DCDC2: variants seen among roughly 807,000 people sequenced by gnomAD.
The protein encoded by DCDC2 is doublecortin domain-containing protein 2.
A neutral mutation model predicts 50.2 loss-of-function variants in DCDC2; 40 were observed. The observed-to-expected ratio is 0.80, with a 90% CI of 0.62 to 1.04. DCDC2 has a LOEUF of 1.04. Ranked by LOEUF, DCDC2 falls within the 50% of genes least tolerant of loss-of-function variation. DCDC2 has a pLI of 0.00. For synonymous variants in DCDC2, 234 were observed against 210.6 expected (o/e 1.11, Z -0.96); for missense variants, 570 against 581.9 (o/e 0.98, Z 0.21).
chr6:24,272,836 C>G (rs924195881), intron 7 of DCDC2, among the ~76,000 whole-genome samples: 1 of 152,162 alleles, frequency 6.6e-6, no homozygotes, highest in African/African-American at 2.4e-5. Context: ...ATAGAATTTT[C>G]ATTCTATCCA....
chr6:24,318,393 T>C (rs1212388630), intron 2 of DCDC2, among the ~76,000 whole-genome samples: 9 of 151,994 alleles, frequency 5.9e-5, no homozygotes, highest in Non-Finnish European at 1.3e-4. Flanking sequence ...GTTGTTGTTG[T>C]TAGTTTTTTT....
chr6:24,351,975 G>A (rs1352180402), intron 2 of DCDC2, among the ~76,000 whole-genome samples: 2 of 152,024 alleles, frequency 1.3e-5, no homozygotes, highest in Non-Finnish European at 2.9e-5. Flanking sequence ...GTGGTGGCAC[G>A]TGCCTGTAAT....
intron 7 of DCDC2, among the ~76,000 whole-genome samples, chr6:24,226,913 CTG>C (rs985267096): frequency 6.6e-6 from 1 of 152,122 alleles, no homozygotes; most frequent in African/African-American, 2.4e-5. Flanking sequence ...TTTGAAAATC[CTG>C]TGACATCAGT....
At chr6:24,303,854 C>A (rs2113839758) in intron 2 of DCDC2, among the ~76,000 whole-genome samples, 1 of 152,266 alleles carries the variant, frequency 6.6e-6, no homozygotes, top group East Asian at 1.9e-4. Flanking sequence ...TTTTAGTGAA[C>A]CTATGTCTAT....
chr6:24,214,958 C>G (rs1356443585), intron 7 of DCDC2, among the ~76,000 whole-genome samples: 3 of 152,198 alleles, frequency 2.0e-5, no homozygotes, highest in Non-Finnish European at 2.9e-5. Flanking sequence ...CATGCTCCCA[C>G]ATGTGCTAGA....
intron 2 of DCDC2, among the ~76,000 whole-genome samples, chr6:24,349,829 T>C (rs1336000231): frequency 1.3e-5 from 2 of 152,000 alleles, no homozygotes; most frequent in South Asian, 2.1e-4. Context: ...ATCCAGGAGA[T>C]CTGTTTATTT....
chr6:24,331,520 T>A (rs566904262), intron 2 of DCDC2, among the ~76,000 whole-genome samples: 2 of 152,252 alleles, frequency 1.3e-5, no homozygotes, highest in South Asian at 4.1e-4. Flanking sequence ...TTATTTGATA[T>A]GCGATACTAA....
At position 24,230,028 on chromosome 6, in the gene DCDC2, C is replaced by CTGG. The variant is rs1168279167; in HGVS notation, c.923-24927_923-24926insCCA. ...AGAAATCCTCTTCCAACCTCTAAGT[C>CTGG]CCAAAAGTAAACAGCTCTTGCCAGA... On this transcript the variant is annotated intron_variant, in intron 7 of 9. Transcript: ENST00000378454. Among the ~76,000 whole-genome samples the CTGG allele has an allele frequency of 5.7e-3, 870 of 152,280 alleles. 12 individuals carry two copies. Among genetic ancestry groups the CTGG allele is most frequent in the African/African-American group, 0.02 (824 of 41,554 alleles).
chr6:24,229,532 C>T (rs1210798782), intron 7 of DCDC2, among the ~76,000 whole-genome samples: 1 of 152,064 alleles, frequency 6.6e-6, no homozygotes, highest in African/African-American at 2.4e-5. Flanking sequence ...TCTTTGGGGG[C>T]CGTTATTTTG....
intron 7 of DCDC2, among the ~76,000 whole-genome samples, chr6:24,209,613 T>C (rs1359274924): frequency 2.6e-5 from 4 of 152,196 alleles, no homozygotes; most frequent in African/African-American, 9.7e-5. Flanking sequence ...ATTCAGGAGT[T>C]CTGAGTCCCC....
At chr6:24,294,394 T>C (rs1358361371) in intron 4 of DCDC2, among the ~76,000 whole-genome samples, 2 of 151,610 alleles carry the variant, frequency 1.3e-5, no homozygotes, top group South Asian at 2.1e-4. Context: ...AACAACCTAA[T>C]AACACAACTA....
At chr6:24,281,885 A>G (rs1763480873) in intron 6 of DCDC2, among the ~76,000 whole-genome samples, 1 of 152,204 alleles carries the variant, frequency 6.6e-6, no homozygotes, top group South Asian at 2.1e-4. Context: ...AAGTATTATT[A>G]TCACCATTTT....
At chr6:24,305,566 G>A (rs1049777597) in intron 2 of DCDC2, among the ~76,000 whole-genome samples, 1 of 152,146 alleles carries the variant, frequency 6.6e-6, no homozygotes, top group Non-Finnish European at 1.5e-5. Context: ...AATCAACTGG[G>A]TATAAGAGGA....
intron 5 of DCDC2, 94 bp downstream of exon 5, chr6:24,290,838 T>C: frequency 4.6e-6 from 5 of 1,083,804 alleles, no homozygotes; most frequent in Non-Finnish European, 6.5e-6. Context: ...AATAAGATTA[T>C]CAATTACATA....
chr6:24,332,843 T>C (rs1759990195), intron 2 of DCDC2, among the ~76,000 whole-genome samples: 1 of 152,182 alleles, frequency 6.6e-6, no homozygotes, highest in Non-Finnish European at 1.5e-5. Context: ...CTGTGTTTGA[T>C]GCTGGGCTGG....
At chr6:24,374,496 C>T in the DCDC2 span, among the ~76,000 whole-genome samples, 1 of 137,578 alleles carries the variant, frequency 7.3e-6, no homozygotes, top group Non-Finnish European at 1.5e-5. Context: ...ATGAGAATTG[C>T]TTGAACCTGG....
rs527467406 is a variant in DCDC2 at position 24,229,766 on chromosome 6, T to A, written c.923-24664A>T. Among the ~76,000 whole-genome samples, 223 of 152,284 alleles carry A rather than the reference T, an allele frequency of 1.5e-3. 1 individual carries two copies. The highest frequency in any genetic ancestry group is 2.3e-3 in the Non-Finnish European group (159 of 68,032). On this transcript the variant is annotated intron_variant, in intron 7 of 9. Coordinates refer to ENST00000378454, the MANE Select transcript of DCDC2 (RefSeq NM_016356.5). Reference sequence around the variant, plus strand: ...GAGATACACTGTAAATGTTTATGCTTACATTATTTTATACTCACTTCCTTC... The same window carrying A: ...GAGATACACTGTAAATGTTTATGCTAACATTATTTTATACTCACTTCCTTC...
rs538011546 is a variant in DCDC2 at position 24,339,296 on chromosome 6, G to C, written c.348+14273C>G. On this transcript the variant is annotated intron_variant, in intron 2 of 9. Transcript: ENST00000378454. ...AGCCATCCTTCCAGCAGCCTGTGCC[G>C]CCTGTATCCTCCCACACAGCACACT... Among the ~76,000 whole-genome samples, 28 of 152,086 alleles carry C rather than the reference G, an allele frequency of 1.8e-4. 1 individual carries two copies. Among genetic ancestry groups the C allele is most frequent in the African/African-American group, 6.7e-4 (28 of 41,484 alleles).
intron 2 of DCDC2, among the ~76,000 whole-genome samples, chr6:24,328,260 G>A (rs1392278737): frequency 6.6e-6 from 1 of 152,182 alleles, no homozygotes; most frequent in Non-Finnish European, 1.5e-5. Context: ...GGATTTTAAA[G>A]TGGATTCCCT....
Sources: gnomAD v4.1 joint callset for allele counts (sites outside exome capture counted in the v4.1 genomes callset) on GRCh38, gnomAD v4.1.1 for gene constraint, MANE v1.5 for transcripts, NCBI Gene and HGNC (gene_info 2026-07-23, HGNC 2026-07-21) for gene names.